SDK1: variants seen among roughly 807,000 people sequenced by gnomAD.
SDK1 encodes protein sidekick-1.
SDK1 carries 157 observed loss-of-function variants against 245.5 expected under a neutral mutation model. The observed-to-expected ratio is 0.64, with a 90% confidence interval of 0.56 to 0.73. SDK1 has a LOEUF of 0.73. SDK1 is among the 30% of genes least tolerant of loss of function. SDK1 has a pLI of 0.00. For synonymous variants in SDK1, 1,647 were observed against 1,278.5 expected, an observed-to-expected ratio of 1.29 and a Z score of -6.15; for missense variants, 3,583 against 3,002.3, an observed-to-expected ratio of 1.19 and a Z score of -4.52.
chr7:4,097,216 G>C (rs1385785384), intron 22 of SDK1, among the ~76,000 whole-genome samples: 1 of 138,496 alleles, frequency 7.2e-6, no homozygotes, highest in Admixed American at 7.0e-5. Context: ...GACGGCCTGG[G>C]CCGACTCTGG....
intron 40 of SDK1, chr7:4,227,548 C>T (rs1785515033): frequency 2.3e-6 from 1 of 438,990 alleles, no homozygotes; most frequent in Non-Finnish European, 4.7e-6. Flanking sequence ...AAGAAATAAA[C>T]AACTGACAGG....
chr7:3,350,498 T>G (rs7800260), intron 1 of SDK1, among the ~76,000 whole-genome samples: 59,806 of 152,104 alleles, frequency 0.39, 12,109 homozygotes, highest in African/African-American at 0.49. Flanking sequence ...TTCAGTCTTC[T>G]TGGTGGTTAT....
chr7:3,431,828 C>G (rs1779855597), intron 1 of SDK1, among the ~76,000 whole-genome samples: 1 of 151,970 alleles, frequency 6.6e-6, no homozygotes, highest in Non-Finnish European at 1.5e-5. Flanking sequence ...CATATGTGAG[C>G]AAACTGAATA....
At chr7:4,078,141 CCT>C (rs1044932535) in intron 21 of SDK1, among the ~76,000 whole-genome samples, 1 of 152,142 alleles carries the variant, frequency 6.6e-6, no homozygotes, top group African/African-American at 2.4e-5. Context: ...TGGCCAAACC[CCT>C]GATAACCAAG....
intron 4 of SDK1, among the ~76,000 whole-genome samples, chr7:3,779,917 C>T (rs555422358): frequency 1.9e-4 from 24 of 128,448 alleles, no homozygotes; most frequent in Middle Eastern, 5.3e-3. Flanking sequence ...CCGGCCTGGG[C>T]GACAGAGGGA....
At chr7:3,308,954 C>G (rs962394535) in intron 1 of SDK1, among the ~76,000 whole-genome samples, 14 of 152,086 alleles carry the variant, frequency 9.2e-5, no homozygotes, top group African/African-American at 2.9e-4. Flanking sequence ...ACTTGGGGAG[C>G]TCTGGTAGTT....
intron 5 of SDK1, among the ~76,000 whole-genome samples, chr7:3,923,665 C>T (rs2128114121): frequency 6.6e-6 from 1 of 152,222 alleles, no homozygotes; most frequent in East Asian, 1.9e-4. Flanking sequence ...CCTATTTGCT[C>T]ACCACTGGGC....
chr7:3,609,339 A>T (rs1781518167), intron 1 of SDK1, among the ~76,000 whole-genome samples: 1 of 152,188 alleles, frequency 6.6e-6, no homozygotes, highest in African/African-American at 2.4e-5. Flanking sequence ...AAACCCAGAC[A>T]TAGGGGTTAA....
chr7:3,340,669 A>G (rs1780323262), intron 1 of SDK1, among the ~76,000 whole-genome samples: 1 of 151,744 alleles, frequency 6.6e-6, no homozygotes, highest in Non-Finnish European at 1.5e-5. Flanking sequence ...AGGCTGAGGC[A>G]GGAGAATGGC....
intron 4 of SDK1, among the ~76,000 whole-genome samples, chr7:3,687,145 T>G (rs1784309832): frequency 6.7e-6 from 1 of 149,468 alleles, no homozygotes; most frequent in East Asian, 2.0e-4. Context: ...AATGAAAAAT[T>G]ATGTTCACAC....
At chr7:3,591,174 C>A (rs763580980) in intron 1 of SDK1, among the ~76,000 whole-genome samples, 19 of 152,186 alleles carry the variant, frequency 1.2e-4, no homozygotes, top group Non-Finnish European at 2.5e-4. Flanking sequence ...AACCTGTAGG[C>A]AGTTCAAGGT....
rs118105427 is a variant in SDK1, at chr7:3,338,368, C to T, written c.298+36484C>T. The T allele has an allele frequency of 5.6e-3, 2,900 of 518,780 alleles. 30 individuals carry two copies. The highest frequency in any genetic ancestry group is 0.017 in the South Asian group (953 of 57,358). The allele number at this position is 518,780 out of a possible 1,614,324, so 32.1% of individuals were successfully genotyped here. ...ATTGTAAACAAACAAGGTCAGGGCACGACTCTTGCCAAGAGAACTAATGTG... is the reference window on the plus strand; with the variant it reads ...ATTGTAAACAAACAAGGTCAGGGCATGACTCTTGCCAAGAGAACTAATGTG... On this transcript the variant is annotated intron_variant, in intron 1 of 44. Transcript: ENST00000404826.
rs577989520 is a variant in SDK1 at position 3,783,506 on chromosome 7, C to T, written c.714-37944C>T. On this transcript the variant is annotated intron_variant, in intron 4 of 44. Coordinates refer to ENST00000404826, the MANE Select transcript of SDK1 (RefSeq NM_152744.4). ...AAAAAACCCTGTTGGAACTAATAAA[C>T]GAATATATTACAGTTGCAGGATACA... Among the ~76,000 whole-genome samples the T allele has an allele frequency of 1.1e-4, 16 of 149,104 alleles. No individual in the cohort carries two copies. The South Asian group carries it at 3.2e-3, about 29-fold the overall frequency.
intron 1 of SDK1, among the ~76,000 whole-genome samples, chr7:3,374,174 T>C (rs1160139112): frequency 6.6e-6 from 1 of 152,112 alleles, no homozygotes; most frequent in East Asian, 1.9e-4. Context: ...GACTGGGGAA[T>C]TGGGGGAGAG....
chr7:3,421,299 T>C (rs1399196122), intron 1 of SDK1, among the ~76,000 whole-genome samples: 4 of 152,074 alleles, frequency 2.6e-5, no homozygotes, highest in Non-Finnish European at 5.9e-5. Flanking sequence ...CTTGAATTCC[T>C]GATCTCCAGT....
rs552227698 is a variant in SDK1 at position 3,446,558 on chromosome 7, T to C, written c.298+144674T>C. On this transcript the variant is annotated intron_variant, in intron 1 of 44. Coordinates refer to ENST00000404826, the MANE Select transcript of SDK1 (RefSeq NM_152744.4). Reference sequence around the variant, plus strand: ...AAACTTCCTTGCAGAAGCTGTATCATGCTAAATGTTTTGGATCAATTCAAC... The same window carrying C: ...AAACTTCCTTGCAGAAGCTGTATCACGCTAAATGTTTTGGATCAATTCAAC... Among the ~76,000 whole-genome samples, 3 of 152,328 alleles carry C rather than the reference T, an allele frequency of 2.0e-5. No individual in the cohort carries two copies. In the South Asian group the frequency reaches 6.2e-4, roughly 32 times the overall value.
At chr7:3,995,378 C>A (rs1407944009) in intron 14 of SDK1, among the ~76,000 whole-genome samples, 1 of 152,170 alleles carries the variant, frequency 6.6e-6, no homozygotes, top group Non-Finnish European at 1.5e-5. Context: ...CACCCACCCC[C>A]TCCCCTGGGA....
chr7:3,368,089 A>C (rs889796763), intron 1 of SDK1, among the ~76,000 whole-genome samples: 1 of 152,242 alleles, frequency 6.6e-6, no homozygotes, highest in Non-Finnish European at 1.5e-5. Context: ...GAGTTCTATC[A>C]TATTTTTGTA....
intron 1 of SDK1, among the ~76,000 whole-genome samples, chr7:3,303,707 C>T (rs891923988): frequency 2.6e-5 from 4 of 152,078 alleles, no homozygotes; most frequent in Non-Finnish European, 5.9e-5. Flanking sequence ...AGTTCATTGA[C>T]GGGTTTCTGT....
Sources: gnomAD v4.1 joint callset for allele counts (sites outside exome capture counted in the v4.1 genomes callset) on GRCh38, gnomAD v4.1.1 for gene constraint, MANE v1.5 for transcripts, NCBI Gene and HGNC (gene_info 2026-07-23, HGNC 2026-07-21) for gene names.